The following ICMT variants were observed in gnomAD, a reference collection of about 807,000 sequenced individuals.
ICMT encodes the protein protein-S-isoprenylcysteine O-methyltransferase.
ICMT carries 10 observed loss-of-function variants against 32.2 expected under a neutral mutation model. That is an observed-to-expected ratio of 0.31 (90% CI 0.19 to 0.53). The LOEUF (loss-of-function observed/expected upper bound fraction) is 0.53, where lower values mean the gene tolerates loss of function less well. Among genes scored for constraint, ICMT ranks in the 20% least tolerant of loss-of-function variants. The pLI, the probability that ICMT is intolerant of heterozygous loss-of-function variation, is 0.96. For missense variants in ICMT, 265 were observed against 356.9 expected, an observed-to-expected ratio of 0.74 and a Z score of 2.07; for synonymous variants, 183 against 158.2, an observed-to-expected ratio of 1.16 and a Z score of -1.18.
At position 6,224,830 on chromosome 1, in the gene ICMT, A is replaced by C; in HGVS notation, c.*250T>G. On this transcript the variant is annotated 3_prime_UTR_variant, in exon 5 of 5. Coordinates refer to ENST00000343813, the MANE Select transcript of ICMT (RefSeq NM_012405.4). ...AGGTAACTCTGGAGGGCGCTGTGGAATATTGCTGTGATTTGCCCCTTACTC... is the reference window on the plus strand; with the variant it reads ...AGGTAACTCTGGAGGGCGCTGTGGACTATTGCTGTGATTTGCCCCTTACTC... The C allele has an allele frequency of 1.1e-5, 5 of 448,840 alleles. No individual in the cohort carries two copies. The highest frequency in any genetic ancestry group is 4.0e-5 in the East Asian group (1 of 24,886). The allele number at this position is 448,840 out of a possible 1,614,324, so 27.8% of individuals were successfully genotyped here.
chr1:6,235,462 A>G (rs1225956498), intron 1 of ICMT, among the ~76,000 whole-genome samples: 5 of 152,084 alleles, frequency 3.3e-5, no homozygotes, highest in Non-Finnish European at 5.9e-5. Context: ...AGTTACATAA[A>G]AGCACTCGCG....
chr1:6,224,954 A>G lies in ICMT; in HGVS notation c.*126T>C, dbSNP rs555888890. 28 of 898,630 alleles carry G rather than the reference A, an allele frequency of 3.1e-5. No homozygotes were observed. The Admixed American group carries it at 6.2e-4, about 20-fold the overall frequency. 55.7% of individuals were successfully genotyped at this position (898,630 alleles called of 1,614,324 possible). On this transcript the variant is annotated 3_prime_UTR_variant, in exon 5 of 5. Coordinates refer to ENST00000343813, the MANE Select transcript of ICMT (RefSeq NM_012405.4). ...TTCTGACCGCTTGGTCTTGAGTGAC[A>G]TTCCAGAAGAGTGACTAATGACATA...
At position 6,221,620 on chromosome 1, in the gene ICMT, C is replaced by G. The variant is rs1180228808; in HGVS notation, c.*3460G>C. On this transcript the variant is annotated 3_prime_UTR_variant, in exon 5 of 5. Coordinates refer to ENST00000343813, the MANE Select transcript of ICMT (RefSeq NM_012405.4). ...GCGAGATCTTACAAAGCCTGATCGGCTAACGCAGCTTCCTGGTTTAGGAAC... is the reference window on the plus strand; with the variant it reads ...GCGAGATCTTACAAAGCCTGATCGGGTAACGCAGCTTCCTGGTTTAGGAAC... The G allele has an allele frequency of 6.5e-6, 1 of 152,708 alleles. No homozygotes were observed. Among genetic ancestry groups the G allele is most frequent in the Non-Finnish European group, 1.5e-5 (1 of 68,064 alleles). 9.5% of individuals were successfully genotyped at this position (152,708 alleles called of 1,614,324 possible).
intron 4 of ICMT, 43 bp downstream of exon 4, chr1:6,231,859 A>G (rs1041400490): frequency 7.1e-6 from 2 of 281,970 alleles, no homozygotes; most frequent in Admixed American, 1.3e-4. Context: ...AATGTTACTT[A>G]AAAAAAAAAA....
chr1:6,231,084 T>C (rs933435286), intron 4 of ICMT, among the ~76,000 whole-genome samples: 1 of 151,442 alleles, frequency 6.6e-6, no homozygotes, highest in Non-Finnish European at 1.5e-5. Flanking sequence ...GTGCCTACAG[T>C]TCCAGCTACT....
intron 1 of ICMT, 58 bp downstream of exon 1, chr1:6,235,659 G>C (rs1158620328): frequency 9.2e-7 from 1 of 1,090,458 alleles, no homozygotes; most frequent in African/African-American, 1.7e-5. Context: ...CCCACGCGCC[G>C]CGCCAAGCGG....
intron 4 of ICMT, among the ~76,000 whole-genome samples, chr1:6,228,579 T>C (rs1277234513): frequency 2.0e-5 from 3 of 151,756 alleles, no homozygotes; most frequent in Non-Finnish European, 4.4e-5. Flanking sequence ...CCTGACCTCA[T>C]GATCTGCCTG....
At chr1:6,229,716 G>C (rs1197166208) in intron 4 of ICMT, among the ~76,000 whole-genome samples, 3 of 151,106 alleles carry the variant, frequency 2.0e-5, no homozygotes, top group African/African-American at 7.3e-5. Flanking sequence ...TCATGCCAAT[G>C]CACTATAGCC....
chr1:6,229,196 G>A (rs1668692017), intron 4 of ICMT, among the ~76,000 whole-genome samples: 1 of 152,064 alleles, frequency 6.6e-6, no homozygotes, highest in Non-Finnish European at 1.5e-5. Flanking sequence ...AATTAGCCAG[G>A]GGCTGGGCAT....
chr1:6,229,835 G>A (rs1668705819), intron 4 of ICMT, among the ~76,000 whole-genome samples: 1 of 150,480 alleles, frequency 6.6e-6, no homozygotes, highest in African/African-American at 2.5e-5. Context: ...TAGAGCAGGT[G>A]CAGTGGCTCA....
Position 6,235,870 on chromosome 1 carries a change from C to G in ICMT, c.42G>C (p.Ala14=). ...GCAGGAAGGTGGCGAGGCTGAGACGCGCCTCAGAGCCCGGCGGAGCCCGCG... is the reference window on the plus strand; with the variant it reads ...GCAGGAAGGTGGCGAGGCTGAGACGGGCCTCAGAGCCCGGCGGAGCCCGCG... ...CAARAPPGSE[A]RLSLATFLLG... Residue 14 remains alanine, a synonymous_variant, in exon 1 of 5, where the codon GCG becomes GCC. Coordinates refer to ENST00000343813, the MANE Select transcript of ICMT (RefSeq NM_012405.4). 1 of 1,179,264 alleles carries G rather than the reference C, an allele frequency of 8.5e-7. No homozygotes were observed. The highest frequency in any genetic ancestry group is 1.0e-6 in the Non-Finnish European group (1 of 954,168). The allele number at this position is 1,179,264 out of a possible 1,614,324, so 73.1% of individuals were successfully genotyped here.
chr1:6,225,316 G>A, intron 4 of ICMT, 54 bp from the exon 5 acceptor site: 5 of 1,517,160 alleles, frequency 3.3e-6, no homozygotes, highest in Non-Finnish European at 4.5e-6. Context: ...GACGCCCTGT[G>A]CTTTGGTAGG....
In ICMT at chr1:6,223,846, G is replaced by C. The variant is rs1362362789; in HGVS notation, c.*1234C>G. ...ACTTCTTCAGTGCCACCGCAACACT[G>C]CATGGCAGGATCTCACGCTGAGGCC... On this transcript the variant is annotated 3_prime_UTR_variant, in exon 5 of 5. Transcript: ENST00000343813. 1 of 152,240 alleles carries C rather than the reference G, an allele frequency of 6.6e-6. No individual in the cohort carries two copies. Among genetic ancestry groups the C allele is most frequent in the Non-Finnish European group, 1.5e-5 (1 of 68,058 alleles). The allele number at this position is 152,240 out of a possible 1,614,324, so 9.4% of individuals were successfully genotyped here. A position where few individuals can be genotyped will look rare whatever the true frequency, so the allele number is the denominator to read the frequency against.
At chr1:6,226,932 A>G (rs1029850777) in intron 4 of ICMT, among the ~76,000 whole-genome samples, 2 of 152,178 alleles carry the variant, frequency 1.3e-5, no homozygotes, top group Admixed American at 6.5e-5. Flanking sequence ...CAGAATCAGG[A>G]CTGGCCCAGT....
intron 4 of ICMT, among the ~76,000 whole-genome samples, chr1:6,226,003 T>A (rs1351547724): frequency 1.3e-5 from 2 of 152,048 alleles, no homozygotes; most frequent in Non-Finnish European, 2.9e-5. Context: ...TAAGGGCACA[T>A]GCCACCACAC....
chr1:6,231,650 C>CCTG (rs1179474129), intron 4 of ICMT, among the ~76,000 whole-genome samples: 2 of 151,970 alleles, frequency 1.3e-5, no homozygotes, highest in Admixed American at 1.3e-4. Flanking sequence ...ACTTACGCAC[C>CCTG]CAGGTTCTGG....
intron 4 of ICMT, among the ~76,000 whole-genome samples, chr1:6,225,468 C>T (rs1021095767): frequency 1.3e-5 from 2 of 152,186 alleles, no homozygotes; most frequent in Non-Finnish European, 2.9e-5. Flanking sequence ...GCTCCTCTTA[C>T]ATGAGAGAGA....
At position 6,222,595 on chromosome 1, in the gene ICMT, T is replaced by C. The variant is rs1015940335; in HGVS notation, c.*2485A>G. 1 of 152,242 alleles carries C rather than the reference T, an allele frequency of 6.6e-6. No individual in the cohort carries two copies. The highest frequency in any genetic ancestry group is 1.5e-5 in the Non-Finnish European group (1 of 68,050). The allele number at this position is 152,242 out of a possible 1,614,324, so 9.4% of individuals were successfully genotyped here. A position where few individuals can be genotyped will look rare whatever the true frequency, so the allele number is the denominator to read the frequency against. ...CCTGGTGTCAGACAGCATTTCACCA[T>C]GAAACCCTAAGACCTGCCTCCTGGG... On this transcript the variant is annotated 3_prime_UTR_variant, in exon 5 of 5. Coordinates refer to ENST00000343813, the MANE Select transcript of ICMT (RefSeq NM_012405.4).
At chr1:6,229,641 T>C (rs1220637833) in intron 4 of ICMT, among the ~76,000 whole-genome samples, 1 of 152,028 alleles carries the variant, frequency 6.6e-6, no homozygotes, top group Non-Finnish European at 1.5e-5. Flanking sequence ...CCTGGGCAGA[T>C]ACTTAGGAGA....
Sources: allele counts gnomAD v4.1 joint callset (sites outside exome capture counted in the v4.1 genomes callset), GRCh38; gene constraint gnomAD v4.1.1; transcripts MANE v1.5; gene names NCBI Gene and HGNC (gene_info 2026-07-23, HGNC 2026-07-21).